SPIDR: variants seen among roughly 807,000 people sequenced by gnomAD.
The protein encoded by SPIDR is DNA repair-scaffolding protein.
In SPIDR, 93 loss-of-function variants were observed where a neutral mutation model predicts 104.6. The ratio of observed to expected loss-of-function variants is 0.89; its 90% CI spans 0.75 to 1.06. SPIDR has a LOEUF of 1.06. SPIDR is among the 50% of genes least tolerant of loss of function. The pLI, the probability that SPIDR is intolerant of heterozygous loss-of-function variation, is 0.00. For missense variants in SPIDR, 1,154 were observed against 1,111.2 expected (o/e 1.04, Z -0.55); for synonymous variants, 431 against 416.9 (o/e 1.03, Z -0.41).
At chr8:47,301,415 CTT>C (rs1469572998) in intron 5 of SPIDR, among the ~76,000 whole-genome samples, 5 of 152,114 alleles carry the variant, frequency 3.3e-5, no homozygotes, top group South Asian at 2.1e-4. Flanking sequence ...CAGTCTGTGT[CTT>C]TTTATTGGAG....
intron 7 of SPIDR, among the ~76,000 whole-genome samples, chr8:47,427,328 T>TTTTAATA (rs2154337788): frequency 6.6e-6 from 1 of 150,814 alleles, no homozygotes; most frequent in South Asian, 2.1e-4. Flanking sequence ...TAAATATGCC[T>TTTTAATA]TTTACAAAAA....
intron 8 of SPIDR, among the ~76,000 whole-genome samples, chr8:47,502,678 G>A (rs911695964): frequency 6.6e-6 from 1 of 152,100 alleles, no homozygotes; most frequent in Non-Finnish European, 1.5e-5. Flanking sequence ...CCTTCTGCTA[G>A]CTTTTGAATG....
intron 8 of SPIDR, among the ~76,000 whole-genome samples, chr8:47,574,178 T>G (rs1305011447): frequency 6.6e-6 from 1 of 152,234 alleles, no homozygotes; most frequent in Non-Finnish European, 1.5e-5. Flanking sequence ...ATGTTTGTAA[T>G]GTCAGTTTCA....
At chr8:47,565,540 AAT>A (rs1401175587) in intron 8 of SPIDR, among the ~76,000 whole-genome samples, 4 of 152,244 alleles carry the variant, frequency 2.6e-5, no homozygotes, top group African/African-American at 7.2e-5. Context: ...TACAGAAAAA[AAT>A]AGTTTATACC....
chr8:47,454,823 G>C (rs1554708802), intron 8 of SPIDR, among the ~76,000 whole-genome samples: 1 of 152,020 alleles, frequency 6.6e-6, no homozygotes, highest in Admixed American at 6.6e-5. Flanking sequence ...CTATGAGCAT[G>C]TGTGTGAACA....
chr8:47,713,198 G>C, intron 15 of SPIDR: 4 of 629,962 alleles, frequency 6.3e-6, no homozygotes, highest in Non-Finnish European at 7.7e-6. Context: ...TTTTTCCAGG[G>C]ATCAAACTAA....
intron 10 of SPIDR, among the ~76,000 whole-genome samples, chr8:47,616,711 C>T (rs1040306599): frequency 1.3e-5 from 2 of 152,200 alleles, no homozygotes; most frequent in African/African-American, 4.8e-5. Context: ...ACAGAGCATT[C>T]CCAAATACAG....
At chr8:47,492,196 A>G (rs943690715) in intron 8 of SPIDR, among the ~76,000 whole-genome samples, 3 of 152,168 alleles carry the variant, frequency 2.0e-5, no homozygotes, top group African/African-American at 7.2e-5. Flanking sequence ...CAAACTCCCA[A>G]CCTACATACC....
chr8:47,475,051 TG>T (rs2076127588), intron 8 of SPIDR, among the ~76,000 whole-genome samples: 1 of 152,250 alleles, frequency 6.6e-6, no homozygotes, highest in Admixed American at 6.5e-5. Flanking sequence ...TTGATGTTCC[TG>T]GAAGTGTTTC....
At chr8:47,482,587 CT>C (rs1446359405) in intron 8 of SPIDR, among the ~76,000 whole-genome samples, 4 of 152,218 alleles carry the variant, frequency 2.6e-5, no homozygotes, top group Non-Finnish European at 5.9e-5. Flanking sequence ...CCTCATCCTA[CT>C]ACCTAGTGAA....
chr8:47,725,557 A>G (rs575314117), intron 16 of SPIDR, among the ~76,000 whole-genome samples: 2 of 152,054 alleles, frequency 1.3e-5, no homozygotes, highest in African/African-American at 4.8e-5. Context: ...ACGCCTGGCT[A>G]ATTTTTGTAT....
At chr8:47,408,081 C>A in intron 7 of SPIDR, 120 bp downstream of exon 7, 1 of 489,218 alleles carries the variant, frequency 2.0e-6, no homozygotes, top group Admixed American at 3.8e-5. Flanking sequence ...AAAATTTTTT[C>A]CAACATTCTA....
intron 8 of SPIDR, among the ~76,000 whole-genome samples, chr8:47,499,319 T>A (rs188132688): frequency 6.6e-6 from 1 of 152,194 alleles, no homozygotes; most frequent in Non-Finnish European, 1.5e-5. Context: ...ATCATCCAAA[T>A]GACGGATGTA....
chr8:47,396,137 T>C (rs1183589595), intron 5 of SPIDR, among the ~76,000 whole-genome samples: 7 of 152,220 alleles, frequency 4.6e-5, no homozygotes, highest in East Asian at 1.9e-4. Context: ...TTTGTACTTA[T>C]TTTTGTGGGT....
chr8:47,331,623 T>C (rs2048679912), intron 5 of SPIDR, among the ~76,000 whole-genome samples: 1 of 152,216 alleles, frequency 6.6e-6, no homozygotes, highest in Non-Finnish European at 1.5e-5. Flanking sequence ...TGTGAAGGCC[T>C]AGGACATTAC....
At chr8:47,668,269 T>G (rs1291013770) in intron 10 of SPIDR, among the ~76,000 whole-genome samples, 1 of 152,028 alleles carries the variant, frequency 6.6e-6, no homozygotes, top group Non-Finnish European at 1.5e-5. Context: ...AAGACCAATA[T>G]CATTAATAGA....
chr8:47,496,528 T>A (rs2079464819), intron 8 of SPIDR, among the ~76,000 whole-genome samples: 1 of 152,172 alleles, frequency 6.6e-6, no homozygotes, highest in Non-Finnish European at 1.5e-5. Context: ...CAACCTATGA[T>A]TCGTGGTATA....
intron 5 of SPIDR, chr8:47,294,241 T>G: frequency 2.0e-6 from 1 of 509,544 alleles, no homozygotes; most frequent in Non-Finnish European, 3.2e-6. Flanking sequence ...CTCACTTCTC[T>G]TTCACTTCCC....
At chr8:47,487,583 A>G (rs1366126352) in intron 8 of SPIDR, among the ~76,000 whole-genome samples, 1 of 152,198 alleles carries the variant, frequency 6.6e-6, no homozygotes, top group Non-Finnish European at 1.5e-5. Flanking sequence ...TACTTACTCC[A>G]AAATTGACCA....
Sources: allele counts gnomAD v4.1 joint callset (sites outside exome capture counted in the v4.1 genomes callset), GRCh38; gene constraint gnomAD v4.1.1; transcripts MANE v1.5; gene names NCBI Gene and HGNC (gene_info 2026-07-23, HGNC 2026-07-21).